The following ADAMTS9 variants were observed in gnomAD, a reference collection of about 807,000 sequenced individuals.
ADAMTS9 encodes ADAM metallopeptidase with thrombospondin type 1 motif 9.
A neutral mutation model predicts 257.1 loss-of-function variants in ADAMTS9; 107 were observed. The observed-to-expected ratio is 0.42, with a 90% confidence interval of 0.36 to 0.49. The LOEUF is 0.49. ADAMTS9 is among the 20% of genes least tolerant of loss of function. The pLI is 0.03. For missense variants in ADAMTS9, 2,353 were observed against 2,469.1 expected, an observed-to-expected ratio of 0.95 and a Z score of 1.00; for synonymous variants, 982 against 880.9, an observed-to-expected ratio of 1.11 and a Z score of -2.03.
intron 28 of ADAMTS9, among the ~76,000 whole-genome samples, chr3:64,577,720 T>C (rs1202026353): frequency 6.6e-6 from 1 of 152,230 alleles, no homozygotes; most frequent in Non-Finnish European, 1.5e-5. Context: ...CTTATGCTAC[T>C]GTCAAAAGCA....
At chr3:64,524,701 G>T (rs1261778018) in intron 38 of ADAMTS9, among the ~76,000 whole-genome samples, 1 of 152,084 alleles carries the variant, frequency 6.6e-6, no homozygotes, top group African/African-American at 2.4e-5. Flanking sequence ...TTTGCCTCTT[G>T]GCCCTTCAAG....
At chr3:64,530,440 C>G (rs1010077606) in intron 38 of ADAMTS9, among the ~76,000 whole-genome samples, 1 of 151,052 alleles carries the variant, frequency 6.6e-6, no homozygotes, top group Non-Finnish European at 1.5e-5. Flanking sequence ...AGTCCCAGCT[C>G]CCAGATATTC....
intron 2 of ADAMTS9, chr3:64,685,342 A>C (rs1701872147): frequency 6.6e-6 from 1 of 152,406 alleles, no homozygotes; most frequent in South Asian, 2.1e-4. Context: ...TCTGGGGGTG[A>C]GTATCCAAGG....
intron 2 of ADAMTS9, among the ~76,000 whole-genome samples, chr3:64,683,866 C>A (rs750281838): frequency 6.6e-6 from 1 of 151,810 alleles, no homozygotes; most frequent in East Asian, 1.9e-4. Context: ...CAAGGGAGAA[C>A]GTACTAAGCA....
At chr3:64,555,007 G>A (rs2083314559) in intron 30 of ADAMTS9, among the ~76,000 whole-genome samples, 1 of 152,128 alleles carries the variant, frequency 6.6e-6, no homozygotes, top group African/African-American at 2.4e-5. Flanking sequence ...CCCTAACCAT[G>A]GGGGGAAGAA....
rs1220976450 is a variant in ADAMTS9 at position 64,634,629 on chromosome 3, C to A, written c.1857-750G>T. On this transcript the variant is annotated intron_variant, in intron 12 of 39. Transcript: ENST00000498707. ...GATGTGATCCAGAGAGTAAATTATA[C>A]AACACATCTACCAGCAGTCAGCAGC... Among the ~76,000 whole-genome samples, 46 of 152,144 alleles carry A rather than the reference C, an allele frequency of 3.0e-4. 1 individual carries two copies. The highest frequency in any genetic ancestry group is 3.0e-3 in the Admixed American group (46 of 15,262).
At chr3:64,644,702 A>C (rs954091861) in intron 11 of ADAMTS9, among the ~76,000 whole-genome samples, 4 of 152,160 alleles carry the variant, frequency 2.6e-5, no homozygotes, top group Non-Finnish European at 4.4e-5. Context: ...AAAATTAAGG[A>C]GTTTTCTGGA....
chr3:64,579,997 A>G (rs1440072319), intron 28 of ADAMTS9, among the ~76,000 whole-genome samples: 1 of 152,212 alleles, frequency 6.6e-6, no homozygotes, highest in Non-Finnish European at 1.5e-5. Context: ...AAACATTGAC[A>G]GTGCATTCTT....
rs772342812 is a variant in ADAMTS9, at chr3:64,541,163, T to G, written c.5453A>C (p.Asp1818Ala). The change falls in exon 36 of 40, where the codon GAT (aspartate) becomes GCT (alanine). Residue 1818 changes from aspartate (D) to alanine (A), a missense_variant. This residue lies in a region of ADAMTS9 where 1,402 missense variants were observed against 1,441.4 expected (regional missense o/e 0.97). Transcript: ENST00000498707. ...ACTGGAAAACCCAGCGGCCGTGTAA[T>G]CCTTCCGACATTGGCAGTCATCGCG... Reference protein sequence around the residue: ...SRRDDCQCRKDYTAAGFSSFQ... With the variant: ...SRRDDCQCRKAYTAAGFSSFQ... 3 of 1,614,070 alleles carry G rather than the reference T, an allele frequency of 1.9e-6. No individual in the cohort carries two copies. In the African/African-American group the frequency reaches 4.0e-5, roughly 22 times the overall value.
chr3:64,637,502 G>C (rs1700528559), intron 12 of ADAMTS9, among the ~76,000 whole-genome samples: 1 of 152,172 alleles, frequency 6.6e-6, no homozygotes, highest in East Asian at 1.9e-4. Flanking sequence ...ACATAGAAAG[G>C]AAATTCAAGA....
At chr3:64,636,915 C>A (rs1700514537) in intron 12 of ADAMTS9, among the ~76,000 whole-genome samples, 1 of 152,150 alleles carries the variant, frequency 6.6e-6, no homozygotes, top group African/African-American at 2.4e-5. Flanking sequence ...GTGTCACTGT[C>A]CTACGTTCCA....
intron 16 of ADAMTS9, among the ~76,000 whole-genome samples, chr3:64,625,521 A>C (rs1700204165): frequency 6.6e-6 from 1 of 152,144 alleles, no homozygotes; most frequent in South Asian, 2.1e-4. Flanking sequence ...AGACATGGGA[A>C]CCTCACAGAG....
intron 3 of ADAMTS9, among the ~76,000 whole-genome samples, chr3:64,660,926 G>C (rs942711431): frequency 6.6e-6 from 1 of 152,084 alleles, no homozygotes; most frequent in Non-Finnish European, 1.5e-5. Context: ...TTTTGCTTTC[G>C]CACCTCAAAC....
chr3:64,554,860 A>G (rs1470848621), intron 30 of ADAMTS9, among the ~76,000 whole-genome samples: 2 of 152,252 alleles, frequency 1.3e-5, no homozygotes, highest in Admixed American at 6.5e-5. Flanking sequence ...TGAAGGTGGT[A>G]TTTTATTCAG....
At chr3:64,667,874 C>G (rs1422350339) in intron 3 of ADAMTS9, among the ~76,000 whole-genome samples, 1 of 152,182 alleles carries the variant, frequency 6.6e-6, no homozygotes, top group East Asian at 1.9e-4. Context: ...AATGAGGAAA[C>G]TGAGGGACAC....
intron 3 of ADAMTS9, among the ~76,000 whole-genome samples, chr3:64,666,936 T>G (rs1252809577): frequency 6.6e-6 from 1 of 152,154 alleles, no homozygotes; most frequent in Non-Finnish European, 1.5e-5. Flanking sequence ...TGCCTGAGGC[T>G]AGGAGTTCAA....
intron 28 of ADAMTS9, among the ~76,000 whole-genome samples, chr3:64,591,035 T>C (rs570394737): frequency 4.6e-5 from 7 of 152,332 alleles, no homozygotes; most frequent in African/African-American, 1.7e-4. Context: ...GGTTCGATAG[T>C]ATAGAGGTCT....
chr3:64,612,762 G>A (rs1363136536), intron 22 of ADAMTS9, among the ~76,000 whole-genome samples: 8 of 152,092 alleles, frequency 5.3e-5, no homozygotes, highest in Admixed American at 5.2e-4. Context: ...CAAGCCCAAG[G>A]GAGACTTTCA....
intron 12 of ADAMTS9, among the ~76,000 whole-genome samples, chr3:64,640,502 G>A (rs1419499815): frequency 2.0e-5 from 3 of 152,090 alleles, no homozygotes; most frequent in African/African-American, 7.2e-5. Context: ...TTGCTTCTCA[G>A]TACAATAGAG....
Sources: gnomAD v4.1 joint callset for allele counts (sites outside exome capture counted in the v4.1 genomes callset) on GRCh38, gnomAD v4.1.1 for gene constraint, gnomAD v4.1.1 regional missense constraint, MANE v1.5 for transcripts, NCBI Gene and HGNC (gene_info 2026-07-23, HGNC 2026-07-21) for gene names.